CIBAR2: variants seen among roughly 807,000 people sequenced by gnomAD.
CIBAR2 encodes CBY1-interacting BAR domain-containing protein 2.
CIBAR2 carries 38 observed loss-of-function variants against 36.2 expected under a neutral mutation model. The ratio of observed to expected loss-of-function variants is 1.05; its 90% CI spans 0.81 to 1.38. The LOEUF is 1.38. Among genes scored for constraint, CIBAR2 ranks in the 40% most tolerant of loss-of-function variants. The probability of loss-of-function intolerance (pLI) is 0.00; values close to 1 mark genes in which losing one functional copy is unlikely to be tolerated. For synonymous variants in CIBAR2, 182 were observed against 149.5 expected (o/e 1.22, Z -1.58); for missense variants, 481 against 383.4 (o/e 1.25, Z -2.13).
At chr16:85,105,583 G>A (rs1597668170) in intron 5 of CIBAR2, 152 bp from the exon 6 acceptor site, 2 of 612,134 alleles carry the variant, frequency 3.3e-6, no homozygotes, top group South Asian at 1.9e-5. Flanking sequence ...TCAAAGGAAT[G>A]GCTGAGTAGG....
At position 85,101,522 on chromosome 16, in the gene CIBAR2, C is replaced by G. The variant is rs886934003; in HGVS notation, c.651+692G>C. 1.4e-4 allele frequency among the ~76,000 whole-genome samples: 21 copies of G among 152,056 alleles called. 1 individual carries two copies. ...TTGTTGCTTTACAATACTAGGCTTG[C>G]GGAAGGGTGTTACAGATAACGCAAA... On this transcript the variant is annotated intron_variant, in intron 7 of 8. Transcript: ENST00000539556.
At chr16:85,105,284 A>G in intron 6 of CIBAR2, 43 bp downstream of exon 6, 2 of 1,238,868 alleles carry the variant, frequency 1.6e-6, no homozygotes, top group Non-Finnish European at 1.2e-6. Context: ...ACACACACAC[A>G]AGGCAGCCCA....
At chr16:85,104,763 A>G (rs2073982358) in intron 6 of CIBAR2, among the ~76,000 whole-genome samples, 2 of 152,198 alleles carry the variant, frequency 1.3e-5, no homozygotes, top group South Asian at 4.1e-4. Context: ...GCACCTTTGG[A>G]GAATGGACTA....
At chr16:85,110,580 GCACA>G in intron 1 of CIBAR2, 120 bp from the exon 2 acceptor site, 1 of 672,834 alleles carries the variant, frequency 1.5e-6, no homozygotes, top group Non-Finnish European at 2.5e-6. Context: ...GGTGTGGCAC[GCACA>G]TGCCACAGGC....
In CIBAR2 at chr16:85,111,102, C is replaced by G. The variant is rs111226199; in HGVS notation, c.21-642G>C. The stretch of plus-strand genomic sequence containing the variant: ...CAGGCTTCTACGACAGCCAGGGAGG[C>G]CTGGCCTCTCCTGGGCCTCCTCACG... On this transcript the variant is annotated intron_variant, in intron 1 of 8. Transcript: ENST00000539556. 8.1e-4 allele frequency among the ~76,000 whole-genome samples: 123 copies of G among 152,206 alleles called. 1 individual carries two copies. The highest frequency in any genetic ancestry group is 2.9e-3 in the African/African-American group (120 of 41,538).
intron 7 of CIBAR2, among the ~76,000 whole-genome samples, chr16:85,101,213 C>G (rs2073952977): frequency 6.6e-6 from 1 of 152,162 alleles, no homozygotes; most frequent in Non-Finnish European, 1.5e-5. Flanking sequence ...GGGCTCCACA[C>G]CCAGAAGGAC....
At position 85,098,973 on chromosome 16, in the gene CIBAR2, T is replaced by C. The variant is rs986167228; in HGVS notation, c.*212A>G. ...AAAACAATCAAAACTTCAGGAAACATTGGATACACTCACAGAAATGCAAAA... is the reference window on the plus strand; with the variant it reads ...AAAACAATCAAAACTTCAGGAAACACTGGATACACTCACAGAAATGCAAAA... On this transcript the variant is annotated 3_prime_UTR_variant, in exon 9 of 9. Transcript: ENST00000539556. 9 of 511,846 alleles carry C rather than the reference T, an allele frequency of 1.8e-5. No homozygotes were observed. The highest frequency in any genetic ancestry group is 2.5e-5 in the Non-Finnish European group (8 of 316,506). 31.7% of individuals were successfully genotyped at this position (511,846 alleles called of 1,614,324 possible).
chr16:85,106,139 C>T (rs760569687), intron 5 of CIBAR2, among the ~76,000 whole-genome samples: 31 of 152,274 alleles, frequency 2.0e-4, no homozygotes, highest in Admixed American at 1.4e-3. Flanking sequence ...GCTGCAGAGA[C>T]GGTGGGTGAC....
chr16:85,102,316 A>C lies in CIBAR2; in HGVS notation c.549T>G (p.Cys183Trp), dbSNP rs1276250422. 6.2e-7 allele frequency: 1 copy of C among 1,609,742 alleles called. No homozygotes were observed. The highest frequency in any genetic ancestry group is 1.1e-5 in the South Asian group (1 of 90,998). Reference sequence around the variant, plus strand: ...AAACCATCTCAATAGTTACAAAGTCACAAAAAAATTTCTGTGGGGAGAGAA... The same window carrying C: ...AAACCATCTCAATAGTTACAAAGTCCCAAAAAAATTTCTGTGGGGAGAGAA... ...QKLKDLQKFF[C>W]DFVTIEMVFH... is the part of the protein sequence containing the mutation. Residue 183 changes from cysteine (C) to tryptophan (W), a missense_variant, in exon 7 of 9, where the codon TGT (cysteine) becomes TGG (tryptophan). Coordinates refer to ENST00000539556, the MANE Select transcript of CIBAR2 (RefSeq NM_198491.3).
intron 7 of CIBAR2, among the ~76,000 whole-genome samples, chr16:85,100,491 C>A (rs754997279): frequency 2.0e-5 from 3 of 152,162 alleles, no homozygotes; most frequent in Non-Finnish European, 4.4e-5. Context: ...CATCGTCACA[C>A]AGGATAACAG....
intron 6 of CIBAR2, among the ~76,000 whole-genome samples, chr16:85,103,782 C>G (rs1451164123): frequency 1.3e-5 from 2 of 152,356 alleles, no homozygotes; most frequent in South Asian, 2.1e-4. Context: ...GCCCTGGACC[C>G]TGGTGGCTGG....
At chr16:85,107,448 G>A (rs910548408) in intron 5 of CIBAR2, among the ~76,000 whole-genome samples, 10 of 152,164 alleles carry the variant, frequency 6.6e-5, no homozygotes, top group African/African-American at 1.9e-4. Flanking sequence ...AGGGGAAACC[G>A]AGGCCCATGG....
At chr16:85,109,788 T>C (rs1250532835) in intron 2 of CIBAR2, among the ~76,000 whole-genome samples, 1 of 152,222 alleles carries the variant, frequency 6.6e-6, no homozygotes, top group African/African-American at 2.4e-5. Flanking sequence ...TGTGAGCACC[T>C]GGCCCTTTTT....
intron 8 of CIBAR2, 62 bp from the exon 9 acceptor site, chr16:85,099,408 G>A: frequency 3.2e-6 from 3 of 934,970 alleles, no homozygotes; most frequent in African/African-American, 1.6e-5. Context: ...AACATCTAAT[G>A]TATGTACCTA....
At position 85,099,215 on chromosome 16, in the gene CIBAR2, C is replaced by T; in HGVS notation, c.885G>A (p.Gly295=). Residue 295 remains glycine (G), a synonymous_variant, in exon 9 of 9, where the codon GGG becomes GGA. Transcript: ENST00000539556. ...GAGAATGTCCTGGAAGCATGAGATG[C>T]CCACCCTGCCCACACACACAGTGGG... ...QPAHCVCGQG[G]HLMLPGHSL is the part of the protein sequence containing the mutation. 1 of 1,600,252 alleles carries T rather than the reference C, an allele frequency of 6.2e-7. No individual in the cohort carries two copies. The highest frequency in any genetic ancestry group is 1.1e-5 in the South Asian group (1 of 89,022).
rs1272710340 is a variant in CIBAR2, at chr16:85,099,043, G to C, written c.*142C>G. 9.9e-7 allele frequency: 1 copy of C among 1,006,782 alleles called. No individual in the cohort carries two copies. The allele number at this position is 1,006,782 out of a possible 1,614,324, so 62.4% of individuals were successfully genotyped here. On this transcript the variant is annotated 3_prime_UTR_variant, in exon 9 of 9. Coordinates refer to ENST00000539556, the MANE Select transcript of CIBAR2 (RefSeq NM_198491.3). The stretch of plus-strand genomic sequence containing the variant: ...AACAGAATTGAACAAGTAGAAGAAG[G>C]AAATTCAGAGCTTGAAGACAAGGTC...
At chr16:85,102,409 G>T in intron 6 of CIBAR2, 82 bp from the exon 7 acceptor site, 1 of 846,498 alleles carries the variant, frequency 1.2e-6, no homozygotes. Context: ...CAGATGGGGT[G>T]GGGGTGTGGA....
chr16:85,108,282 C>T (rs1029197054), intron 2 of CIBAR2, among the ~76,000 whole-genome samples, 183 bp from the exon 3 acceptor site: 6 of 152,324 alleles, frequency 3.9e-5, no homozygotes, highest in African/African-American at 7.2e-5. Context: ...CAGGGCCCGG[C>T]TCTGCCTCCC....
chr16:85,111,168 C>A (rs1257322371), intron 1 of CIBAR2, among the ~76,000 whole-genome samples: 1 of 152,130 alleles, frequency 6.6e-6, no homozygotes, highest in South Asian at 2.1e-4. Flanking sequence ...ACTGTCCCTG[C>A]CTCTCTCCCT....
Sources: allele counts gnomAD v4.1 joint callset (sites outside exome capture counted in the v4.1 genomes callset), GRCh38; gene constraint gnomAD v4.1.1; transcripts MANE v1.5; gene names NCBI Gene and HGNC (gene_info 2026-07-23, HGNC 2026-07-21).